Variants in FARP2 observed in about 807,000 individuals in gnomAD.
The protein encoded by FARP2 is FERM, ARH/RhoGEF and pleckstrin domain protein 2, also known as FERM, ARHGEF and pleckstrin domain-containing protein 2.
A neutral mutation model predicts 130.5 loss-of-function variants in FARP2; 111 were observed. That is an observed-to-expected ratio of 0.85 (90% CI 0.73 to 1.00). The LOEUF (loss-of-function observed/expected upper bound fraction) is 1.00. Among genes scored for constraint, FARP2 ranks in the 50% least tolerant of loss-of-function variants. FARP2 has a pLI of 0.00. For missense variants in FARP2, 1,385 were observed against 1,346.3 expected, an observed-to-expected ratio of 1.03 and a Z score of -0.45; for synonymous variants, 504 against 516.9, an observed-to-expected ratio of 0.98 and a Z score of 0.34.
chr2:241,402,896 T>A (rs2062231330), intron 2 of FARP2, among the ~76,000 whole-genome samples: 1 of 74,914 alleles, frequency 1.3e-5, no homozygotes, highest in Non-Finnish European at 2.6e-5. Flanking sequence ...TTTTTTTTTT[T>A]TTTTTTTTTT....
chr2:241,492,190 CTG>C (rs2064942413), intron 24 of FARP2, among the ~76,000 whole-genome samples: 1 of 152,170 alleles, frequency 6.6e-6, no homozygotes, highest in Non-Finnish European at 1.5e-5. Flanking sequence ...GTCTTTTTTG[CTG>C]TCTCCCCATA....
intron 1 of FARP2, among the ~76,000 whole-genome samples, chr2:241,364,260 G>A (rs2061255174): frequency 6.6e-6 from 1 of 152,214 alleles, no homozygotes; most frequent in South Asian, 2.1e-4. Flanking sequence ...CATGAGCCAA[G>A]GAATGAGAAT....
rs1445535652 is a variant in FARP2 at position 241,475,949 on chromosome 2, G to C, written c.2224G>C (p.Asp742His). The C allele has an allele frequency of 1.2e-6, 2 of 1,614,006 alleles. No homozygotes were observed. Among genetic ancestry groups the C allele is most frequent in the Non-Finnish European group, 1.7e-6 (2 of 1,179,978 alleles). The change falls in exon 19 of 27, where the codon GAC becomes CAC. Residue 742 changes from aspartate (D) to histidine (H), a missense_variant. Transcript: ENST00000264042. The surrounding 1 kb of genome is among the most constrained non-coding windows in gnomAD (Gnocchi z 4.4). ...GCAGAAGCTAACGGAGCTGCAGCGG[G>C]ACCTGGTGGGCATAGAGAACCTCAT... The part of the protein sequence containing the change: ...NLQKLTELQR[D>H]LVGIENLIAP...
At chr2:241,413,246 G>A in intron 6 of FARP2, 61 bp from the exon 7 acceptor site, 1 of 991,144 alleles carries the variant, frequency 1.0e-6, no homozygotes, top group Non-Finnish European at 1.5e-6. Flanking sequence ...TGTATGCAAT[G>A]ACACATACAA....
chr2:241,407,077 G>A (rs2062379657), intron 4 of FARP2, among the ~76,000 whole-genome samples: 1 of 152,158 alleles, frequency 6.6e-6, no homozygotes, highest in Admixed American at 6.5e-5. Context: ...CAAAGTGCTG[G>A]GATTACAGGC....
At chr2:241,429,452 C>T (rs2063038194) in intron 8 of FARP2, among the ~76,000 whole-genome samples, 1 of 152,208 alleles carries the variant, frequency 6.6e-6, no homozygotes, top group African/African-American at 2.4e-5. Flanking sequence ...GGATCAGACC[C>T]TGGGCTCACT....
chr2:241,385,989 T>C (rs1371290562), intron 2 of FARP2, among the ~76,000 whole-genome samples: 1 of 152,202 alleles, frequency 6.6e-6, no homozygotes, highest in African/African-American at 2.4e-5. Flanking sequence ...ATGTCAACAC[T>C]ATGGTTATTT....
At chr2:241,466,686 A>ACC (rs1212781359) in intron 17 of FARP2, 9 of 564,166 alleles carry the variant, frequency 1.6e-5, no homozygotes, top group Admixed American at 8.1e-4. Context: ...TCCCCTTCCA[A>ACC]CCACCCCCCC....
chr2:241,373,415 A>T (rs1020678582), intron 2 of FARP2, 125 bp downstream of exon 2: 1 of 519,230 alleles, frequency 1.9e-6, no homozygotes, highest in African/African-American at 2.0e-5. Flanking sequence ...TTGGTAACAC[A>T]TGAGAAAATC....
intron 13 of FARP2, chr2:241,441,915 G>A (rs906928118): frequency 2.6e-6 from 1 of 378,522 alleles, no homozygotes; most frequent in Non-Finnish European, 5.0e-6. Flanking sequence ...CCTCTGCCCA[G>A]CCTCTGGTGG....
At chr2:241,447,665 T>G (rs2063542871) in intron 13 of FARP2, among the ~76,000 whole-genome samples, 1 of 152,078 alleles carries the variant, frequency 6.6e-6, no homozygotes, top group African/African-American at 2.4e-5. Context: ...GTGCAACAGC[T>G]CTGCAGGTTC....
chr2:241,463,256 G>A, intron 15 of FARP2, 79 bp from the exon 16 acceptor site: 1 of 1,520,678 alleles, frequency 6.6e-7, no homozygotes, highest in Non-Finnish European at 8.9e-7. Context: ...GGTGACCTAT[G>A]GCTACAGGCC....
chr2:241,397,860 C>T (rs868148907), intron 2 of FARP2, among the ~76,000 whole-genome samples: 33 of 140,036 alleles, frequency 2.4e-4, no homozygotes, highest in Admixed American at 5.5e-4. Context: ...GAGACAGTCT[C>T]GCTCTGTCGC....
chr2:241,362,251 A>G (rs1218017979), intron 1 of FARP2, among the ~76,000 whole-genome samples: 1 of 152,118 alleles, frequency 6.6e-6, no homozygotes, highest in Non-Finnish European at 1.5e-5. Context: ...TAATAAGATG[A>G]ATGTTGGAAA....
chr2:241,450,643 G>T (rs771365479), intron 13 of FARP2, among the ~76,000 whole-genome samples: 4 of 151,674 alleles, frequency 2.6e-5, no homozygotes, highest in Non-Finnish European at 5.9e-5. Flanking sequence ...TTGCACTCCA[G>T]CCTGGGAGAC....
intron 2 of FARP2, among the ~76,000 whole-genome samples, chr2:241,401,934 C>T (rs1203203162): frequency 1.3e-5 from 2 of 152,118 alleles, no homozygotes; most frequent in African/African-American, 2.4e-5. Flanking sequence ...GGATTACAGG[C>T]GTGCACCACC....
intron 13 of FARP2, among the ~76,000 whole-genome samples, chr2:241,451,303 T>G (rs943606550): frequency 6.6e-6 from 1 of 152,158 alleles, no homozygotes; most frequent in Non-Finnish European, 1.5e-5. Context: ...ATTTCAGATG[T>G]TATTCTTTTC....
intron 1 of FARP2, among the ~76,000 whole-genome samples, chr2:241,356,956 C>G (rs965091793): frequency 2.0e-5 from 3 of 152,252 alleles, no homozygotes; most frequent in Non-Finnish European, 4.4e-5. Context: ...GCTAGAAATA[C>G]TCATAAGCCA....
chr2:241,387,790 C>CAAAAAAA (rs200728771), intron 2 of FARP2, among the ~76,000 whole-genome samples: 1 of 93,910 alleles, frequency 1.1e-5, no homozygotes, highest in South Asian at 3.4e-4. Context: ...GAGACTGTCT[C>CAAAAAAA]AAAAAAAAAA....
Sources: allele counts gnomAD v4.1 joint callset (sites outside exome capture counted in the v4.1 genomes callset), GRCh38; gene constraint gnomAD v4.1.1; non-coding constraint Gnocchi (gnomAD v3.1); transcripts MANE v1.5; gene names NCBI Gene and HGNC (gene_info 2026-07-23, HGNC 2026-07-21).